The following XKR4 variants were observed in gnomAD, a reference collection of about 807,000 sequenced individuals.
XKR4 encodes XK related 4.
In XKR4, 12 loss-of-function variants were observed where a neutral mutation model predicts 53.9. The observed-to-expected ratio is 0.22, with a 90% CI of 0.14 to 0.36. The LOEUF (loss-of-function observed/expected upper bound fraction) is 0.36, where lower values mean the gene tolerates loss of function less well. XKR4 is among the 10% of genes least tolerant of loss of function. XKR4 has a pLI of 1.00. For synonymous variants in XKR4, 354 were observed against 362.4 expected (o/e 0.98, Z 0.26); for missense variants, 799 against 859.5 (o/e 0.93, Z 0.88).
chr8:55,313,024 C>T (rs994899064), intron 1 of XKR4, among the ~76,000 whole-genome samples: 2 of 152,152 alleles, frequency 1.3e-5, no homozygotes, highest in Admixed American at 1.3e-4. Context: ...TTACATTATT[C>T]TGCTTCCTTT....
chr8:55,173,479 CAT>C (rs1817190217), intron 1 of XKR4, among the ~76,000 whole-genome samples: 1 of 152,166 alleles, frequency 6.6e-6, no homozygotes, highest in Non-Finnish European at 1.5e-5. Flanking sequence ...CTTTAGAACA[CAT>C]GATACTGTTT....
chr8:55,449,613 A>T, intron 2 of XKR4: 3 of 1,136,414 alleles, frequency 2.6e-6, no homozygotes, highest in Middle Eastern at 1.9e-4. Flanking sequence ...TTCACGTCAA[A>T]GAAGGCCTTC....
At chr8:55,252,882 A>G (rs924999767) in intron 1 of XKR4, among the ~76,000 whole-genome samples, 2 of 152,182 alleles carry the variant, frequency 1.3e-5, no homozygotes, top group Admixed American at 6.5e-5. Flanking sequence ...AAAATCAGAA[A>G]GAGTACAGAC....
chr8:55,523,476 T>G lies in XKR4; in HGVS notation c.1202T>G (p.Phe401Cys), dbSNP rs1337395373. 6.2e-7 allele frequency: 1 copy of G among 1,614,228 alleles called. No individual in the cohort carries two copies. The highest frequency in any genetic ancestry group is 2.2e-5 in the East Asian group (1 of 44,892). Residue 401 changes from phenylalanine (F) to cysteine (C), a missense_variant, in exon 3 of 3, where the codon TTT becomes TGT. This residue lies in a region of XKR4 where 54 missense variants were observed against 89.7 expected (regional missense o/e 0.60). Transcript: ENST00000327381. ...TTTGCCTCGGTTTTCCAGCTGTACT[T>G]TGGGATCTTCATCGTCCTTCACTGG... is the stretch of plus-strand genomic sequence containing the variant. ...ALFASVFQLY[F>C]GIFIVLHWCI...
At chr8:55,125,854 T>C (rs999136074) in intron 1 of XKR4, among the ~76,000 whole-genome samples, 2 of 152,216 alleles carry the variant, frequency 1.3e-5, no homozygotes, top group Non-Finnish European at 2.9e-5. Context: ...ATTCTGTTTG[T>C]ATCTGCTCAA....
chr8:55,519,958 T>A (rs1413931857), intron 2 of XKR4, among the ~76,000 whole-genome samples: 2 of 152,272 alleles, frequency 1.3e-5, no homozygotes, highest in Non-Finnish European at 2.9e-5. Flanking sequence ...AATTTTTCTG[T>A]AAGTTTGAAA....
chr8:55,132,121 CA>C (rs1463482440), intron 1 of XKR4, among the ~76,000 whole-genome samples: 1 of 152,166 alleles, frequency 6.6e-6, no homozygotes, highest in Non-Finnish European at 1.5e-5. Context: ...GGCCTGACAA[CA>C]ATGGGTTCAA....
intron 2 of XKR4, among the ~76,000 whole-genome samples, chr8:55,381,899 A>C (rs1035114951): frequency 1.3e-5 from 2 of 152,322 alleles, no homozygotes; most frequent in South Asian, 2.1e-4. Flanking sequence ...TCCCAAATTG[A>C]GGGTGCGGGG....
chr8:55,262,380 T>C (rs546130069), intron 1 of XKR4, among the ~76,000 whole-genome samples: 4 of 152,356 alleles, frequency 2.6e-5, no homozygotes, highest in Admixed American at 6.5e-5. Flanking sequence ...TATTATGGAC[T>C]GAATGTTTGT....
chr8:55,479,756 G>A (rs1178564029), intron 2 of XKR4, among the ~76,000 whole-genome samples: 1 of 152,138 alleles, frequency 6.6e-6, no homozygotes, highest in Non-Finnish European at 1.5e-5. Flanking sequence ...TACCATCAGA[G>A]AATACTATAA....
At chr8:55,465,617 A>G (rs1805753942) in intron 2 of XKR4, among the ~76,000 whole-genome samples, 1 of 151,682 alleles carries the variant, frequency 6.6e-6, no homozygotes, top group Non-Finnish European at 1.5e-5. Flanking sequence ...AATGGCAACA[A>G]AAGCCAAAAT....
intron 2 of XKR4, among the ~76,000 whole-genome samples, chr8:55,371,140 C>T (rs983859580): frequency 2.0e-5 from 3 of 150,784 alleles, no homozygotes; most frequent in Non-Finnish European, 2.9e-5. Context: ...AGGAGGAGGA[C>T]ATCAGGGAGT....
rs553455582 is a variant in XKR4 at position 55,434,014 on chromosome 8, A to G, written c.1006+76137A>G. On this transcript the variant is annotated intron_variant, in intron 2 of 2. Transcript: ENST00000327381. ...ACACCACTGCACTCCAGCCTGGGCA[A>G]CAGAGCAAGACCCTGTCTCAAAAAA... 2.1e-4 allele frequency among the ~76,000 whole-genome samples: 32 copies of G among 152,342 alleles called. No individual in the cohort carries two copies. In the South Asian group the frequency reaches 6.4e-3, roughly 31 times the overall value.
chr8:55,466,850 T>C (rs1285613214), intron 2 of XKR4, among the ~76,000 whole-genome samples: 1 of 152,202 alleles, frequency 6.6e-6, no homozygotes, highest in Non-Finnish European at 1.5e-5. Flanking sequence ...TGTTTGGATA[T>C]CTGATTAATA....
In XKR4 at chr8:55,535,442, A is replaced by C. The variant is rs1807019560; in HGVS notation, c.*11215A>C. On this transcript the variant is annotated 3_prime_UTR_variant, in exon 3 of 3. Coordinates refer to ENST00000327381, the MANE Select transcript of XKR4 (RefSeq NM_052898.2). ...CTTCCTGTGCACGTGACTTATTTTC[A>C]ATTGCCCAGCAATGAAAACTAACAA... is the stretch of plus-strand genomic sequence containing the variant. 7.6e-6 allele frequency: 1 copy of C among 132,016 alleles called. No homozygotes were observed. The highest frequency in any genetic ancestry group is 1.5e-5 in the Non-Finnish European group (1 of 65,182). 8.2% of individuals were successfully genotyped at this position (132,016 alleles called of 1,614,324 possible). A position where few individuals can be genotyped will look rare whatever the true frequency, so the allele number is the denominator to read the frequency against.
intron 1 of XKR4, among the ~76,000 whole-genome samples, chr8:55,278,282 A>G (rs904852941): frequency 1.3e-5 from 2 of 150,898 alleles, no homozygotes; most frequent in Non-Finnish European, 3.0e-5. Flanking sequence ...GGTTGCAGTG[A>G]GCCAAGATCC....
intron 2 of XKR4, among the ~76,000 whole-genome samples, chr8:55,447,878 G>A (rs974487004): frequency 6.6e-6 from 1 of 152,118 alleles, no homozygotes; most frequent in Non-Finnish European, 1.5e-5. Context: ...TTTGATGCTT[G>A]GTTTATTAAA....
rs1686086552 is a variant in XKR4 at position 55,532,887 on chromosome 8, C to T, written c.*8660C>T. 6.6e-6 allele frequency: 1 copy of T among 151,642 alleles called. No individual in the cohort carries two copies. The highest frequency in any genetic ancestry group is 2.4e-5 in the African/African-American group (1 of 41,268). The allele number at this position is 151,642 out of a possible 1,614,324, so 9.4% of individuals were successfully genotyped here. ...CCATCTACCAAATTGTTGACCTTCT[C>T]CTCCTCTCCATTGCTTAATTTATAT... is the stretch of plus-strand genomic sequence containing the variant. On this transcript the variant is annotated 3_prime_UTR_variant, in exon 3 of 3. Coordinates refer to ENST00000327381, the MANE Select transcript of XKR4 (RefSeq NM_052898.2).
chr8:55,147,511 A>ATTCAGATT (rs1478481234), intron 1 of XKR4, among the ~76,000 whole-genome samples: 1 of 152,202 alleles, frequency 6.6e-6, no homozygotes, highest in Non-Finnish European at 1.5e-5. Flanking sequence ...GAAGCTCATG[A>ATTCAGATT]TTCAGATTCT....
Sources: allele counts gnomAD v4.1 joint callset (sites outside exome capture counted in the v4.1 genomes callset), GRCh38; gene constraint gnomAD v4.1.1; regional missense constraint gnomAD v4.1.1; transcripts MANE v1.5; gene names NCBI Gene and HGNC (gene_info 2026-07-23, HGNC 2026-07-21).